The following COLEC12 variants were observed in gnomAD, a reference collection of about 807,000 sequenced individuals.
COLEC12 encodes the protein collectin subfamily member 12, also known as collectin-12.
COLEC12 carries 33 observed loss-of-function variants against 71.1 expected under a neutral mutation model. The observed-to-expected ratio is 0.46, with a 90% CI of 0.35 to 0.62. COLEC12 has a LOEUF of 0.62. Ranked by LOEUF, COLEC12 falls within the 20% of genes least tolerant of loss-of-function variation. COLEC12 has a pLI of 0.00. For synonymous variants in COLEC12, 350 were observed against 353.0 expected, an observed-to-expected ratio of 0.99 and a Z score of 0.10; for missense variants, 765 against 916.1, an observed-to-expected ratio of 0.84 and a Z score of 2.13.
At chr18:406,276 G>A (rs1165037457) in intron 2 of COLEC12, among the ~76,000 whole-genome samples, 7 of 152,202 alleles carry the variant, frequency 4.6e-5, no homozygotes, top group African/African-American at 1.7e-4. Context: ...TTGGGAGGCC[G>A]AGGCGGGTGG....
At chr18:409,326 A>C (rs1343969976) in intron 2 of COLEC12, among the ~76,000 whole-genome samples, 2 of 152,148 alleles carry the variant, frequency 1.3e-5, no homozygotes, top group Admixed American at 6.5e-5. Flanking sequence ...AGATCACCTG[A>C]GGTCAGGAGT....
chr18:355,051 C>CCATG (rs773833632), intron 3 of COLEC12, among the ~76,000 whole-genome samples: 3 of 121,838 alleles, frequency 2.5e-5, no homozygotes, highest in African/African-American at 1.2e-4. Context: ...ATCCATGCAT[C>CCATG]CATCCATCCA....
At chr18:448,408 A>T (rs1448903907) in intron 2 of COLEC12, among the ~76,000 whole-genome samples, 1 of 152,220 alleles carries the variant, frequency 6.6e-6, no homozygotes, top group East Asian at 1.9e-4. Flanking sequence ...CAGTGTAAAC[A>T]TGTTGACTTC....
At position 362,664 on chromosome 18, in the gene COLEC12, A is replaced by G. The variant is rs543718610; in HGVS notation, c.59-5142T>C. Among the ~76,000 whole-genome samples the G allele has an allele frequency of 5.9e-3, 899 of 152,272 alleles. 7 individuals carry two copies. The highest frequency in any genetic ancestry group is 7.7e-3 in the Non-Finnish European group (525 of 68,016). On this transcript the variant is annotated intron_variant, in intron 2 of 9. Coordinates refer to ENST00000400256, the MANE Select transcript of COLEC12 (RefSeq NM_130386.3). The surrounding 1 kb of genome is among the most constrained non-coding windows in gnomAD (Gnocchi z 4.6). ...GGAGAGATTTCAGTTCAGGAAGTGA[A>G]GCAGTGCTGCCCCTCACCATTAAGA...
chr18:405,240 G>T (rs1382150983), intron 2 of COLEC12, among the ~76,000 whole-genome samples: 1 of 152,148 alleles, frequency 6.6e-6, no homozygotes, highest in East Asian at 1.9e-4. Context: ...TTTGCCCTTT[G>T]CCCTGTGACC....
intron 1 of COLEC12, among the ~76,000 whole-genome samples, chr18:499,979 C>G (rs1917788036): frequency 6.6e-6 from 1 of 152,222 alleles, no homozygotes; most frequent in African/African-American, 2.4e-5. Flanking sequence ...CCCGAGCCAG[C>G]TGAACTCCTC....
intron 1 of COLEC12, among the ~76,000 whole-genome samples, chr18:490,362 T>C (rs1311051027): frequency 6.6e-6 from 1 of 152,062 alleles, no homozygotes; most frequent in Non-Finnish European, 1.5e-5. Flanking sequence ...AGCTACAGGG[T>C]TTCGGGATGG....
rs1480976430 is a variant in COLEC12 at position 327,724 on chromosome 18, G to A, written c.2063+3944C>T. Among the ~76,000 whole-genome samples the A allele has an allele frequency of 6.6e-6, 1 of 152,216 alleles. No homozygotes were observed. The highest frequency in any genetic ancestry group is 1.9e-4 in the East Asian group (1 of 5,206). ...ACAGTAACCACAAAACCTGCAAACT[G>A]TTTTAAAAGGATTTCACGCGTGTTG... On this transcript the variant is annotated intron_variant, in intron 8 of 9. Transcript: ENST00000400256. The surrounding 1 kb of genome is among the most constrained non-coding windows in gnomAD (Gnocchi z 4.0).
chr18:418,678 T>C (rs762846411), intron 2 of COLEC12, among the ~76,000 whole-genome samples: 6 of 152,238 alleles, frequency 3.9e-5, no homozygotes, highest in Non-Finnish European at 7.3e-5. Context: ...TCGTCCTGAC[T>C]GCTACACTCC....
At chr18:436,535 G>T (rs1044884468) in intron 2 of COLEC12, among the ~76,000 whole-genome samples, 1 of 139,770 alleles carries the variant, frequency 7.2e-6, no homozygotes, top group Non-Finnish European at 1.6e-5. Flanking sequence ...AGGGGGGGGG[G>T]GGGGAAACAG....
At chr18:476,138 C>T (rs1156410925) in intron 2 of COLEC12, among the ~76,000 whole-genome samples, 1 of 152,206 alleles carries the variant, frequency 6.6e-6, no homozygotes, top group Non-Finnish European at 1.5e-5. Flanking sequence ...GAGGAAAAGA[C>T]ATCTGATACC....
At chr18:425,268 C>T (rs894002460) in intron 2 of COLEC12, among the ~76,000 whole-genome samples, 2 of 152,186 alleles carry the variant, frequency 1.3e-5, no homozygotes, top group African/African-American at 4.8e-5. Context: ...GTTGGAGAGC[C>T]GGCCTACTGG....
chr18:411,681 G>C (rs756937306), intron 2 of COLEC12, among the ~76,000 whole-genome samples: 18 of 152,210 alleles, frequency 1.2e-4, no homozygotes, highest in Admixed American at 2.0e-4. Flanking sequence ...AAGATGGGTG[G>C]ATCGCTTGAG....
intron 1 of COLEC12, among the ~76,000 whole-genome samples, chr18:481,868 GAC>G (rs1917423729): frequency 6.6e-6 from 1 of 152,108 alleles, no homozygotes; most frequent in African/African-American, 2.4e-5. Context: ...GCACTGTGCA[GAC>G]ACAATTTCAT....
chr18:415,083 T>C (rs1435612467), intron 2 of COLEC12, among the ~76,000 whole-genome samples: 9 of 152,240 alleles, frequency 5.9e-5, no homozygotes, highest in Admixed American at 5.2e-4. Context: ...ATGAAGCTAT[T>C]ATTTATGTCA....
Position 493,790 on chromosome 18 carries a change from T to C in COLEC12, c.7+6718A>G, listed in dbSNP as rs150844117. On this transcript the variant is annotated intron_variant, in intron 1 of 9. Transcript: ENST00000400256. ...CAGCTTAATGGAAAACTAATACTAC[T>C]GATGAAATAGACATGACATCATATG... 3.3e-5 allele frequency among the ~76,000 whole-genome samples: 5 copies of C among 152,346 alleles called. No individual in the cohort carries two copies. In the East Asian group the frequency reaches 9.6e-4, roughly 29 times the overall value.
At chr18:485,740 TGA>T (rs949537697) in intron 1 of COLEC12, among the ~76,000 whole-genome samples, 8 of 152,234 alleles carry the variant, frequency 5.3e-5, no homozygotes, top group Non-Finnish European at 1.2e-4. Context: ...GGCTTAGAGC[TGA>T]GAGTCATCCA....
chr18:371,145 T>G (rs1405201461), intron 2 of COLEC12, among the ~76,000 whole-genome samples: 1 of 152,202 alleles, frequency 6.6e-6, no homozygotes, highest in African/African-American at 2.4e-5. Flanking sequence ...TCTGTCACTT[T>G]CTACAGTACT....
intron 5 of COLEC12, among the ~76,000 whole-genome samples, chr18:344,022 A>C (rs1346836975): frequency 2.6e-5 from 4 of 152,264 alleles, no homozygotes; most frequent in Admixed American, 2.6e-4. Context: ...TCTATAAACT[A>C]AATAACTGAA....
Sources: allele counts gnomAD v4.1 joint callset (sites outside exome capture counted in the v4.1 genomes callset), GRCh38; gene constraint gnomAD v4.1.1; non-coding constraint Gnocchi (gnomAD v3.1); transcripts MANE v1.5; gene names NCBI Gene and HGNC (gene_info 2026-07-23, HGNC 2026-07-21).